PCED1B: variants seen among roughly 807,000 people sequenced by gnomAD.
The protein encoded by PCED1B is PC-esterase domain-containing protein 1B.
For synonymous variants in PCED1B, 251 were observed against 246.1 expected (o/e 1.02, Z -0.19); for missense variants, 573 against 573.9 (o/e 1.00, Z 0.02).
chr12:47,185,199 G>A lies in PCED1B; in HGVS notation c.-525-31023G>A, dbSNP rs78068501. On this transcript the variant is annotated intron_variant, in intron 2 of 3. Coordinates refer to ENST00000546455, the MANE Select transcript of PCED1B (RefSeq NM_138371.3). Reference sequence around the variant, plus strand: ...CCTAACCCAGATACCTGCAAATGTGGCCTTATTTGGAATGCAAATGTAATT... The same window carrying A: ...CCTAACCCAGATACCTGCAAATGTGACCTTATTTGGAATGCAAATGTAATT... 4.6e-4 allele frequency among the ~76,000 whole-genome samples: 70 copies of A among 152,298 alleles called. No individual in the cohort carries two copies. The East Asian group carries it at 0.011, about 23-fold the overall frequency.
chr12:47,204,994 C>T (rs1254626105), intron 2 of PCED1B, among the ~76,000 whole-genome samples: 1 of 152,064 alleles, frequency 6.6e-6, no homozygotes, highest in African/African-American at 2.4e-5. Flanking sequence ...CTAGAGAGAG[C>T]CAGTTTATTA....
intron 2 of PCED1B, among the ~76,000 whole-genome samples, chr12:47,212,061 C>G (rs1483002965): frequency 7.8e-6 from 1 of 128,556 alleles, no homozygotes; most frequent in African/African-American, 3.1e-5. Context: ...GGAGACAGAG[C>G]GAGACTCCGT....
intron 2 of PCED1B, among the ~76,000 whole-genome samples, chr12:47,161,538 C>G (rs917027364): frequency 2.6e-5 from 4 of 152,012 alleles, no homozygotes; most frequent in Non-Finnish European, 5.9e-5. Context: ...TTTTGCATTT[C>G]TATAAAGAAA....
rs547585268 is a variant in PCED1B, at chr12:47,183,720, T to C, written c.-525-32502T>C. Among the ~76,000 whole-genome samples, 9 of 152,346 alleles carry C rather than the reference T, an allele frequency of 5.9e-5. No individual in the cohort carries two copies. The South Asian group carries it at 1.9e-3, about 32-fold the overall frequency. The stretch of plus-strand genomic sequence containing the variant: ...TTACAAAGTGCTTTTGTTAATTGCA[T>C]ATTTTTGCTCAGCCATCTTAGAATT... On this transcript the variant is annotated intron_variant, in intron 2 of 3. Transcript: ENST00000546455.
intron 2 of PCED1B, among the ~76,000 whole-genome samples, chr12:47,114,000 T>C (rs1265615450): frequency 1.3e-5 from 2 of 151,716 alleles, no homozygotes; most frequent in Non-Finnish European, 2.9e-5. Flanking sequence ...TATTTAGAGG[T>C]ACACAATGGG....
intron 2 of PCED1B, among the ~76,000 whole-genome samples, chr12:47,180,913 T>C (rs1942073159): frequency 6.6e-6 from 1 of 152,286 alleles, no homozygotes; most frequent in South Asian, 2.1e-4. Flanking sequence ...AGTATACATA[T>C]ACATACATAC....
intron 2 of PCED1B, among the ~76,000 whole-genome samples, chr12:47,192,467 G>T (rs1224288977): frequency 6.6e-6 from 1 of 152,146 alleles, no homozygotes; most frequent in Non-Finnish European, 1.5e-5. Context: ...CATTCAAATG[G>T]TAAATGATTT....
intron 2 of PCED1B, among the ~76,000 whole-genome samples, chr12:47,184,362 T>A (rs1219628037): frequency 6.6e-6 from 1 of 152,078 alleles, no homozygotes; most frequent in African/African-American, 2.4e-5. Context: ...CATTTGCAGA[T>A]TTCCATGATG....
intron 1 of PCED1B, among the ~76,000 whole-genome samples, chr12:47,091,829 T>G (rs1004074074): frequency 1.1e-4 from 16 of 152,130 alleles, no homozygotes; most frequent in Non-Finnish European, 2.1e-4. Flanking sequence ...AGGATCACCT[T>G]TATCATAAAT....
At chr12:47,218,194 G>A (rs1375070227) in intron 3 of PCED1B, among the ~76,000 whole-genome samples, 1 of 152,186 alleles carries the variant, frequency 6.6e-6, no homozygotes, top group Non-Finnish European at 1.5e-5. Flanking sequence ...GAGCTCGGCT[G>A]GACACGGCAG....
At chr12:47,157,146 T>A (rs904469083) in intron 2 of PCED1B, among the ~76,000 whole-genome samples, 1 of 152,146 alleles carries the variant, frequency 6.6e-6, no homozygotes, top group African/African-American at 2.4e-5. Flanking sequence ...GGTTAGACTG[T>A]GTTAGGAATG....
intron 1 of PCED1B, among the ~76,000 whole-genome samples, chr12:47,103,699 C>A (rs1268422204): frequency 6.6e-6 from 1 of 152,150 alleles, no homozygotes; most frequent in Non-Finnish European, 1.5e-5. Context: ...ACAGAATTGA[C>A]TCCTGCCCCA....
At chr12:47,088,796 A>G (rs1325163865) in intron 1 of PCED1B, among the ~76,000 whole-genome samples, 4 of 152,200 alleles carry the variant, frequency 2.6e-5, no homozygotes, top group Non-Finnish European at 4.4e-5. Flanking sequence ...CAGCCAGATG[A>G]TAGAAAACAT....
At position 47,228,985 on chromosome 12, in the gene PCED1B, C is replaced by A. The variant is rs1474143430; in HGVS notation, c.-57-6022C>A. The stretch of plus-strand genomic sequence containing the variant: ...AGCCAAAATATTTCACTTGCATCAT[C>A]TAATTTGATCTTCATAGAACCCTGA... On this transcript the variant is annotated intron_variant, in intron 3 of 3. Coordinates refer to ENST00000546455, the MANE Select transcript of PCED1B (RefSeq NM_138371.3). Among the ~76,000 whole-genome samples, 11 of 151,696 alleles carry A rather than the reference C, an allele frequency of 7.3e-5. No individual in the cohort carries two copies. The Admixed American group carries it at 7.3e-4, about 10-fold the overall frequency.
chr12:47,090,881 TTTGGAACATTGTTCCAAAAA>T lies in PCED1B; in HGVS notation c.-609+11165_-609+11184del, dbSNP rs1251158997. ...GGTTTGTTGGAACAACATTGGAATA[TTTGGAACATTGTTCCAAAAA>T]TTGGAACAACCATTTGTTCCAACCA... On this transcript the variant is annotated intron_variant, in intron 1 of 3. Coordinates refer to ENST00000546455, the MANE Select transcript of PCED1B (RefSeq NM_138371.3). 3.1e-3 allele frequency among the ~76,000 whole-genome samples: 477 copies of T among 152,108 alleles called. 6 individuals carry two copies. In the South Asian group the frequency reaches 0.033, roughly 11 times the overall value.
intron 2 of PCED1B, among the ~76,000 whole-genome samples, chr12:47,199,349 C>T (rs1178850126): frequency 2.0e-5 from 3 of 152,078 alleles, no homozygotes; most frequent in Non-Finnish European, 4.4e-5. Context: ...CAACACAATC[C>T]ACATTCAAAT....
chr12:47,170,459 C>G (rs1367940121), intron 2 of PCED1B, among the ~76,000 whole-genome samples: 2 of 152,206 alleles, frequency 1.3e-5, no homozygotes, highest in African/African-American at 2.4e-5. Flanking sequence ...ACTTCCCGGA[C>G]AGGGCAACCG....
chr12:47,185,792 CAA>C (rs58425348), intron 2 of PCED1B, among the ~76,000 whole-genome samples: 4,397 of 135,990 alleles, frequency 0.032, 217 homozygotes, highest in African/African-American at 0.11. Context: ...GACTCAGTCT[CAA>C]AAAAAAAAAA....
At chr12:47,136,389 G>A (rs1190609548) in intron 2 of PCED1B, among the ~76,000 whole-genome samples, 2 of 152,048 alleles carry the variant, frequency 1.3e-5, no homozygotes, top group African/African-American at 2.4e-5. Context: ...AAGAATTTCA[G>A]GCTGATTTCA....
Sources: gnomAD v4.1 joint callset for allele counts (sites outside exome capture counted in the v4.1 genomes callset) on GRCh38, gnomAD v4.1.1 for gene constraint, MANE v1.5 for transcripts, NCBI Gene and HGNC (gene_info 2026-07-23, HGNC 2026-07-21) for gene names.